TET3: variants seen among roughly 807,000 people sequenced by gnomAD.
TET3 encodes tet methylcytosine dioxygenase 3, also known as methylcytosine dioxygenase TET3.
Under a neutral mutation model 141.4 loss-of-function variants are expected in TET3, and 19 were observed. The ratio of observed to expected loss-of-function variants is 0.13; its 90% CI spans 0.09 to 0.20. The LOEUF (loss-of-function observed/expected upper bound fraction) is 0.20. TET3 is among the 10% of genes least tolerant of loss of function. The pLI, the probability that TET3 is intolerant of heterozygous loss-of-function variation, is 1.00. For synonymous variants in TET3, 1,043 were observed against 980.9 expected, an observed-to-expected ratio of 1.06 and a Z score of -1.18; for missense variants, 1,874 against 2,356.9, an observed-to-expected ratio of 0.80 and a Z score of 4.24.
In TET3 at chr2:74,105,245, G is replaced by A. The variant is rs1036253376; in HGVS notation, c.*3069G>A. 7 of 398,472 alleles carry A rather than the reference G, an allele frequency of 1.8e-5. No individual in the cohort carries two copies. Among genetic ancestry groups the A allele is most frequent in the Non-Finnish European group, 3.1e-5 (7 of 226,072 alleles). The allele number at this position is 398,472 out of a possible 1,614,324, so 24.7% of individuals were successfully genotyped here. On this transcript the variant is annotated 3_prime_UTR_variant, in exon 12 of 12. Coordinates refer to ENST00000409262, the MANE Select transcript of TET3 (RefSeq NM_001287491.2). Reference sequence around the variant, plus strand: ...AGCAACGGAAATCGATGGCGTCTTAGTCATCTCCCCAGTGTGCCCTGTCCA... The same window carrying A: ...AGCAACGGAAATCGATGGCGTCTTAATCATCTCCCCAGTGTGCCCTGTCCA...
intron 3 of TET3, among the ~76,000 whole-genome samples, chr2:74,032,839 G>A (rs544528038): frequency 1.8e-4 from 28 of 152,138 alleles, no homozygotes; most frequent in Non-Finnish European, 3.2e-4. Flanking sequence ...ACTTTGCATA[G>A]GTTAGAGTTG....
chr2:73,990,210 T>C (rs1218519638), intron 2 of TET3, among the ~76,000 whole-genome samples: 1 of 85,194 alleles, frequency 1.2e-5, no homozygotes, highest in Non-Finnish European at 2.3e-5. Flanking sequence ...CAAGACCCCA[T>C]TGCTAAAAAA....
At chr2:74,048,490 C>A in intron 4 of TET3, 79 bp downstream of exon 4, 1 of 1,429,492 alleles carries the variant, frequency 7.0e-7, no homozygotes, top group South Asian at 1.4e-5. Flanking sequence ...CCCTGCCTTT[C>A]ATTTGGCAAA....
At position 74,093,378 on chromosome 2, in the gene TET3, C is replaced by T. The variant is rs1690622778; in HGVS notation, c.3130-151C>T. ...AAAGTAACTTTTTTGTAGCTGGGGC[C>T]TCTCAGCCAGAAAACCTCCCTCCTG... On this transcript the variant is annotated intron_variant, in intron 9 of 11. Transcript: ENST00000409262. The surrounding 1 kb of genome is among the most constrained non-coding windows in gnomAD (Gnocchi z 4.2). 1 of 1,092,664 alleles carries T rather than the reference C, an allele frequency of 9.2e-7. No individual in the cohort carries two copies. The highest frequency in any genetic ancestry group is 2.7e-5 in the East Asian group (1 of 36,772). 67.7% of individuals were successfully genotyped at this position (1,092,664 alleles called of 1,614,324 possible). A position where few individuals can be genotyped will look rare whatever the true frequency, so the allele number is the denominator to read the frequency against.
intron 3 of TET3, among the ~76,000 whole-genome samples, chr2:74,016,788 CTT>C (rs1157485325): frequency 2.9e-4 from 35 of 122,404 alleles, no homozygotes; most frequent in Non-Finnish European, 3.4e-4. Context: ...GTTCTCCTGT[CTT>C]TTTTTTTTTT....
intron 1 of TET3, 118 bp downstream of exon 1, chr2:73,985,275 C>T (rs1254606106): frequency 1.6e-5 from 2 of 122,274 alleles, no homozygotes; most frequent in Non-Finnish European, 3.5e-5. Flanking sequence ...GGCCGCTCCT[C>T]CGGTGCGGGG....
chr2:74,115,989 T>C, the TET3 span, among the ~76,000 whole-genome samples: 2 of 126,672 alleles, frequency 1.6e-5, no homozygotes, highest in Non-Finnish European at 3.1e-5. Flanking sequence ...CACTCCAGCC[T>C]GGGCGACACT....
At chr2:73,985,338 CGGGGCG>C (rs1187681980) in intron 1 of TET3, among the ~76,000 whole-genome samples, 181 bp downstream of exon 1, 3 of 2,362 alleles carry the variant, frequency 1.3e-3, no homozygotes, top group African/African-American at 4.5e-3. Flanking sequence ...GCGGGGGTGG[CGGGGCG>C]GGGGCGGGGG....
At chr2:74,030,960 A>AT (rs556008427) in intron 3 of TET3, among the ~76,000 whole-genome samples, 3,102 of 151,744 alleles carry the variant, frequency 0.02, 34 homozygotes, top group Non-Finnish European at 0.029. Context: ...TCTTAACGTG[A>AT]TTTTTTTTTG....
intron 3 of TET3, among the ~76,000 whole-genome samples, chr2:74,040,868 A>G (rs1687301627): frequency 1.3e-5 from 2 of 152,134 alleles, no homozygotes; most frequent in South Asian, 4.1e-4. Context: ...GCACTCCATC[A>G]TGGGCAACAG....
rs1337103807 is a variant in TET3, at chr2:74,046,079, T to A, written c.361-199T>A. On this transcript the variant is annotated intron_variant, in intron 3 of 11. Transcript: ENST00000409262. This position sits in a 1 kb window ranked among gnomAD's most constrained non-coding sequence, Gnocchi z 4.3. ...TCTCTTTAAAAATATCTTAAAGATC[T>A]TCTTTTTGTTTCTGCTGGTGAAGCT... 2.6e-5 allele frequency among the ~76,000 whole-genome samples: 4 copies of A among 152,212 alleles called. No homozygotes were observed. Among genetic ancestry groups the A allele is most frequent in the African/African-American group, 9.7e-5 (4 of 41,442 alleles).
In TET3 at chr2:74,102,471, TTTTA is replaced by T; in HGVS notation, c.*299_*302del. The T allele has an allele frequency of 4.1e-6, 1 of 244,550 alleles. No homozygotes were observed. Among genetic ancestry groups the T allele is most frequent in the Non-Finnish European group, 7.7e-6 (1 of 129,370 alleles). 15.1% of individuals were successfully genotyped at this position (244,550 alleles called of 1,614,324 possible). ...TGTCCCCCCCCCTTGTCTGGGGGGT[TTTTA>T]TTTTTATTTTCTCTTTGTTTTTAAA... On this transcript the variant is annotated 3_prime_UTR_variant, in exon 12 of 12. Transcript: ENST00000409262.
At chr2:74,112,808 C>T (rs1558809368), downstream of TET3, among the ~76,000 whole-genome samples, 2 of 151,706 alleles carry the variant, frequency 1.3e-5, no homozygotes, top group Non-Finnish European at 2.9e-5. Flanking sequence ...CAAGACCAGC[C>T]TGGCCAACAC....
At chr2:74,081,575 G>A (rs1689824734) in intron 6 of TET3, among the ~76,000 whole-genome samples, 1 of 152,204 alleles carries the variant, frequency 6.6e-6, no homozygotes, top group African/African-American at 2.4e-5. Flanking sequence ...GAGGGAGGAA[G>A]CATTCCCAGT....
intron 3 of TET3, among the ~76,000 whole-genome samples, chr2:74,034,281 G>T (rs1686909876): frequency 1.3e-5 from 2 of 149,406 alleles, no homozygotes; most frequent in African/African-American, 4.9e-5. Flanking sequence ...AACCATACTT[G>T]ACCCTAGTAT....
chr2:74,108,827 A>G (rs1226401740), downstream of TET3, among the ~76,000 whole-genome samples: 1 of 152,232 alleles, frequency 6.6e-6, no homozygotes, highest in Non-Finnish European at 1.5e-5. Flanking sequence ...CAACCAGCCC[A>G]GCTGTTGATA....
the TET3 span, chr2:74,135,045 A>G: frequency 4.2e-6 from 1 of 239,560 alleles, no homozygotes. Context: ...TCTGCCTCCT[A>G]CCAAGAATCA....
the TET3 span, among the ~76,000 whole-genome samples, chr2:74,126,047 G>T: frequency 6.6e-6 from 1 of 152,130 alleles, no homozygotes; most frequent in East Asian, 1.9e-4. Flanking sequence ...CCCTTTTTGA[G>T]TACAGAAGTA....
At chr2:74,056,503 TCCC>T (rs1688220769) in intron 4 of TET3, among the ~76,000 whole-genome samples, 1 of 151,962 alleles carries the variant, frequency 6.6e-6, no homozygotes, top group Non-Finnish European at 1.5e-5. Context: ...TCCTGAGCTC[TCCC>T]CTAGAGCTTT....
Sources: gnomAD v4.1 joint callset for allele counts (sites outside exome capture counted in the v4.1 genomes callset) on GRCh38, gnomAD v4.1.1 for gene constraint, Gnocchi (gnomAD v3.1) non-coding constraint, MANE v1.5 for transcripts, NCBI Gene and HGNC (gene_info 2026-07-23, HGNC 2026-07-21) for gene names.